Variants in WASHC5 observed in about 807,000 individuals in gnomAD.
WASHC5 encodes WASH complex subunit strumpellin.
WASHC5 carries 101 observed loss-of-function variants against 150.4 expected under a neutral mutation model. The observed-to-expected ratio is 0.67, with a 90% CI of 0.57 to 0.79. The LOEUF (loss-of-function observed/expected upper bound fraction) is 0.79. Among genes scored for constraint, WASHC5 ranks in the 30% least tolerant of loss-of-function variants. WASHC5 has a pLI of 0.00. For missense variants in WASHC5, 1,195 were observed against 1,396.3 expected, an observed-to-expected ratio of 0.86 and a Z score of 2.30; for synonymous variants, 467 against 491.2, an observed-to-expected ratio of 0.95 and a Z score of 0.65.
At chr8:125,036,488 T>C (rs769817054) in intron 26 of WASHC5, among the ~76,000 whole-genome samples, 1 of 152,032 alleles carries the variant, frequency 6.6e-6, no homozygotes, top group Non-Finnish European at 1.5e-5. Context: ...CTCGGCAACA[T>C]GGCAAAACCC....
chr8:125,052,609 T>TACACACACAC (rs34684600), intron 17 of WASHC5, among the ~76,000 whole-genome samples: 10,774 of 141,686 alleles, frequency 0.076, 433 homozygotes, highest in Middle Eastern at 0.24. Context: ...TCACACACAC[T>TACACACACAC]ACACACACAC....
Position 125,047,285 on chromosome 8 carries a change from G to C in WASHC5, c.2426C>G (p.Pro809Arg), listed in dbSNP as rs747787888. The C allele has an allele frequency of 5.1e-5, 82 of 1,613,810 alleles. 1 individual carries two copies. The highest frequency in any genetic ancestry group is 6.7e-5 in the Non-Finnish European group (79 of 1,179,894). Residue 809 changes from proline (P) to arginine (R), a missense_variant, in exon 20 of 29, where the codon CCC becomes CGC. Coordinates refer to ENST00000318410, the MANE Select transcript of WASHC5 (RefSeq NM_014846.4). ...SMYQSTHIPI[P>R]KFTPVDESVT... The stretch of plus-strand genomic sequence containing the variant: ...AGACTCATCCACAGGGGTAAACTTG[G>C]GTATTGGAATATGAGTGGACTGGTA...
intron 6 of WASHC5, 100 bp from the exon 7 acceptor site, chr8:125,076,600 CA>C: frequency 1.5e-6 from 2 of 1,375,174 alleles, no homozygotes; most frequent in South Asian, 2.4e-5. Flanking sequence ...TCAGTTTTTC[CA>C]AAGCCCATCA....
In WASHC5 at chr8:125,044,012, C is replaced by A; in HGVS notation, c.2750G>T (p.Ser917Ile). The A allele has an allele frequency of 6.2e-7, 1 of 1,613,154 alleles. No individual in the cohort carries two copies. Among genetic ancestry groups the A allele is most frequent in the Non-Finnish European group, 8.5e-7 (1 of 1,179,144 alleles). ...CTCACCGACAATACTTTTTAGGGGACTGACAGCATTCATGAGGGTTTTTAA... is the reference window on the plus strand; with the variant it reads ...CTCACCGACAATACTTTTTAGGGGAATGACAGCATTCATGAGGGTTTTTAA... ...DTLKTLMNAVSPLKSIVANSN... is the reference protein window; with the variant it reads ...DTLKTLMNAVIPLKSIVANSN... Residue 917 changes from serine to isoleucine, a missense_variant, in exon 22 of 29, where the codon AGT becomes ATT. Physicochemically the swap from Ser to Ile is moderately radical, Grantham distance 142. Transcript: ENST00000318410.
At chr8:125,062,793 T>A (rs572061872) in intron 11 of WASHC5, among the ~76,000 whole-genome samples, 16 of 152,218 alleles carry the variant, frequency 1.1e-4, no homozygotes, top group African/African-American at 3.9e-4. Flanking sequence ...CAGAAATAGA[T>A]CTGATAGTTA....
At chr8:125,071,250 T>C (rs1187884404) in intron 9 of WASHC5, among the ~76,000 whole-genome samples, 2 of 152,214 alleles carry the variant, frequency 1.3e-5, no homozygotes, top group African/African-American at 4.8e-5. Flanking sequence ...ATCCAGCATT[T>C]ACGAAGAATA....
At chr8:125,061,375 T>C (rs1317392354) in intron 11 of WASHC5, among the ~76,000 whole-genome samples, 181 bp from the exon 12 acceptor site, 1 of 152,222 alleles carries the variant, frequency 6.6e-6, no homozygotes, top group African/African-American at 2.4e-5. Flanking sequence ...ATAAACTTTC[T>C]ACATAAATAG....
chr8:125,070,408 A>T (rs1238648558), intron 9 of WASHC5, among the ~76,000 whole-genome samples: 3 of 152,252 alleles, frequency 2.0e-5, no homozygotes, highest in Non-Finnish European at 2.9e-5. Context: ...GCTGAAGATA[A>T]AACCACAGAC....
chr8:125,044,626 G>A lies in WASHC5; in HGVS notation c.2577C>T (p.Arg859=), dbSNP rs1006249097. ...AGGTGGTCTGGATTTCTGAGAAGAG[G>A]CGGCTGCTGGTCACTTCCTGATGAG... ...MKTHQEVTSS[R]LFSEIQTTLG... Residue 859 remains arginine, a synonymous_variant, in exon 21 of 29, where the codon CGC becomes CGT. Coordinates refer to ENST00000318410, the MANE Select transcript of WASHC5 (RefSeq NM_014846.4). The A allele has an allele frequency of 6.8e-6, 11 of 1,613,960 alleles. No individual in the cohort carries two copies. The African/African-American group carries it at 1.3e-4, about 20-fold the overall frequency.
At chr8:125,077,260 T>TGG (rs1354318269) in intron 6 of WASHC5, among the ~76,000 whole-genome samples, 1 of 152,238 alleles carries the variant, frequency 6.6e-6, no homozygotes, top group Non-Finnish European at 1.5e-5. Flanking sequence ...AGGAAGCGGC[T>TGG]GGGGCTGGGA....
At chr8:125,082,528 GAAGGA>G (rs1817294395) in intron 3 of WASHC5, 61 bp from the exon 4 acceptor site, 1 of 998,382 alleles carries the variant, frequency 1.0e-6, no homozygotes, top group Admixed American at 1.8e-5. Context: ...CATCTTTAAA[GAAGGA>G]AAGATTTTTA....
intron 10 of WASHC5, among the ~76,000 whole-genome samples, chr8:125,064,972 G>A (rs545407506): frequency 9.9e-5 from 15 of 152,194 alleles, no homozygotes; most frequent in Middle Eastern, 3.4e-3. Context: ...TGAGTCCCTC[G>A]GATCAATCAA....
At chr8:125,067,389 C>T (rs536277813) in intron 10 of WASHC5, among the ~76,000 whole-genome samples, 6 of 152,270 alleles carry the variant, frequency 3.9e-5, no homozygotes, top group Admixed American at 3.9e-4. Flanking sequence ...GTACCTTTCC[C>T]CATCACTGTA....
At chr8:125,088,947 T>C (rs1448527662) in intron 1 of WASHC5, among the ~76,000 whole-genome samples, 1 of 151,668 alleles carries the variant, frequency 6.6e-6, no homozygotes, top group Non-Finnish European at 1.5e-5. Context: ...TGGAGCAGAG[T>C]CAGCTAGGGG....
In WASHC5 at chr8:125,076,748, A is replaced by G. The variant is rs983524378; in HGVS notation, c.712-248T>C. On this transcript the variant is annotated intron_variant, in intron 6 of 28. Transcript: ENST00000318410. ...CTGCAATTCTAAGTCTTTTCTTAAA[A>G]AAAAAAAAAAAAAGTCCCATTCCTG... 1.1e-3 allele frequency among the ~76,000 whole-genome samples: 170 copies of G among 151,374 alleles called. 2 individuals are homozygous for G. Among genetic ancestry groups the G allele is most frequent in the African/African-American group, 3.8e-3 (155 of 41,138 alleles).
chr8:125,035,901 TTAAAG>T (rs2076847051), intron 26 of WASHC5, among the ~76,000 whole-genome samples: 1 of 152,250 alleles, frequency 6.6e-6, no homozygotes, highest in African/African-American at 2.4e-5. Flanking sequence ...TATAATGCTT[TTAAAG>T]TAAACTAAAG....
Position 125,078,744 on chromosome 8 carries a change from G to T in WASHC5, c.705C>A (p.Tyr235Ter). The part of the protein sequence containing the change: ...VIGRLRSDDI[Y>*]NQVSAYPLPE... ...TAATAGATTTAATTCCCACCTGGTT[G>T]TAAATATCATCAGATCTCAGTCGAC... is the stretch of plus-strand genomic sequence containing the variant. The change falls in exon 6 of 29, where the codon TAC (tyrosine) becomes TAA (stop). Residue 235 changes from tyrosine to a stop codon, truncating the protein, a stop_gained. Transcript: ENST00000318410. LOFTEE classifies it high-confidence loss of function. 1.9e-6 allele frequency: 3 copies of T among 1,612,454 alleles called. No homozygotes were observed. The highest frequency in any genetic ancestry group is 2.5e-6 in the Non-Finnish European group (3 of 1,178,570).
chr8:125,075,859 G>T (rs1817045366), intron 7 of WASHC5, among the ~76,000 whole-genome samples: 1 of 152,090 alleles, frequency 6.6e-6, no homozygotes, highest in Non-Finnish European at 1.5e-5. Flanking sequence ...ATTCCTATAA[G>T]AATATTTTTA....
intron 28 of WASHC5, among the ~76,000 whole-genome samples, chr8:125,025,680 G>A (rs1167666811): frequency 6.6e-6 from 1 of 152,172 alleles, no homozygotes; most frequent in East Asian, 1.9e-4. Context: ...GATGGCACAT[G>A]TATAATACCT....
Sources: gnomAD v4.1 joint callset for allele counts (sites outside exome capture counted in the v4.1 genomes callset) on GRCh38, gnomAD v4.1.1 for gene constraint, MANE v1.5 for transcripts, NCBI Gene and HGNC (gene_info 2026-07-23, HGNC 2026-07-21) for gene names.